LRP2: variants seen among roughly 807,000 people sequenced by gnomAD.
LRP2 encodes the protein low-density lipoprotein receptor-related protein 2.
Under a neutral mutation model 531.0 loss-of-function variants are expected in LRP2, and 172 were observed. The observed-to-expected ratio is 0.32, with a 90% CI of 0.29 to 0.37. The LOEUF (loss-of-function observed/expected upper bound fraction) is 0.37, where lower values mean the gene tolerates loss of function less well. Ranked by LOEUF, LRP2 falls within the 10% of genes least tolerant of loss-of-function variation. The pLI, the probability that LRP2 is intolerant of heterozygous loss-of-function variation, is 1.00. For missense variants in LRP2, 5,167 were observed against 5,868.3 expected, an observed-to-expected ratio of 0.88 and a Z score of 3.90; for synonymous variants, 1,992 against 2,027.6, an observed-to-expected ratio of 0.98 and a Z score of 0.47.
intron 51 of LRP2, 64 bp from the exon 52 acceptor site, chr2:169,181,682 A>G: frequency 2.8e-6 from 4 of 1,427,916 alleles, no homozygotes; most frequent in Non-Finnish European, 3.9e-6. Context: ...CAAAATACAC[A>G]CCTTTTCTCC....
chr2:169,263,735 C>T (rs539351688), intron 16 of LRP2, among the ~76,000 whole-genome samples: 10 of 152,246 alleles, frequency 6.6e-5, no homozygotes, highest in East Asian at 1.9e-4. Flanking sequence ...ACCCAGCCAT[C>T]GCATTACTGG....
chr2:169,191,866 A>G lies in LRP2; in HGVS notation c.8998T>C (p.Cys3000Arg). Reference sequence around the variant, plus strand: ...TTTGGGATACACAGTCCGTAACCACAGGTGAATTCATTTTCAGAGCAAGTT... The same window carrying G: ...TTTGGGATACACAGTCCGTAACCACGGGTGAATTCATTTTCAGAGCAAGTT... ...RRTCSENEFT[C>R]GYGLCIPKIF... Residue 3000 changes from cysteine (C) to arginine (R), a missense_variant, in exon 48 of 79, where the codon TGT becomes CGT. Around this residue, in one of 6 missense-constraint regions of LRP2, gnomAD observed 1,129 missense variants for 1,362.7 expected, o/e 0.83. Transcript: ENST00000649046. 2.5e-6 allele frequency: 4 copies of G among 1,614,154 alleles called. No individual in the cohort carries two copies. The highest frequency in any genetic ancestry group is 3.4e-6 in the Non-Finnish European group (4 of 1,180,020).
intron 11 of LRP2, 54 bp downstream of exon 11, chr2:169,280,296 G>A: frequency 6.3e-7 from 1 of 1,596,364 alleles, no homozygotes; most frequent in Non-Finnish European, 8.6e-7. Flanking sequence ...AAAGTGAAAA[G>A]CTATCAACAC....
intron 21 of LRP2, among the ~76,000 whole-genome samples, chr2:169,246,281 A>G (rs962633602): frequency 6.6e-6 from 1 of 151,984 alleles, no homozygotes; most frequent in Non-Finnish European, 1.5e-5. Flanking sequence ...GCCATTTTAT[A>G]TTTTTTGTAG....
At chr2:169,148,431 T>C (rs1278110518) in intron 68 of LRP2, among the ~76,000 whole-genome samples, 2 of 152,166 alleles carry the variant, frequency 1.3e-5, no homozygotes, top group African/African-American at 4.8e-5. Context: ...ACACTTTAAA[T>C]GGGTAAGTTG....
At chr2:169,220,003 C>T (rs564914182) in intron 34 of LRP2, among the ~76,000 whole-genome samples, 5 of 152,056 alleles carry the variant, frequency 3.3e-5, no homozygotes, top group Non-Finnish European at 7.4e-5. Context: ...TGCTAAGTGC[C>T]GCCATACTTC....
Position 169,332,253 on chromosome 2 carries a change from T to C in LRP2, c.80-11369A>G, listed in dbSNP as rs1318335688. On this transcript the variant is annotated intron_variant, in intron 1 of 78. Coordinates refer to ENST00000649046, the MANE Select transcript of LRP2 (RefSeq NM_004525.3). Reference sequence around the variant, plus strand: ...AGTCATAGGCTAAATTATTTATAACTACTAAATGGACCTTCTTGACTGAAT... The same window carrying C: ...AGTCATAGGCTAAATTATTTATAACCACTAAATGGACCTTCTTGACTGAAT... 3.9e-5 allele frequency among the ~76,000 whole-genome samples: 6 copies of C among 152,220 alleles called. No homozygotes were observed. In the East Asian group the frequency reaches 9.6e-4, roughly 24 times the overall value.
chr2:169,309,204 C>T (rs1049527615), intron 3 of LRP2, among the ~76,000 whole-genome samples: 3 of 152,146 alleles, frequency 2.0e-5, no homozygotes, highest in African/African-American at 7.2e-5. Context: ...GTTTCTATTG[C>T]TGTGCAGAAA....
At chr2:169,351,641 T>G (rs563338114) in intron 1 of LRP2, among the ~76,000 whole-genome samples, 28 of 152,066 alleles carry the variant, frequency 1.8e-4, no homozygotes, top group African/African-American at 6.5e-4. Flanking sequence ...ATGTCAGAGG[T>G]TTGAGGAAAG....
At chr2:169,144,002 A>G (rs1349925840) in intron 70 of LRP2, among the ~76,000 whole-genome samples, 3 of 152,178 alleles carry the variant, frequency 2.0e-5, no homozygotes, top group Non-Finnish European at 4.4e-5. Flanking sequence ...TCAAACTTGA[A>G]TGTGCTATCC....
intron 59 of LRP2, 36 bp from the exon 60 acceptor site, chr2:169,169,854 G>C (rs1277324579): frequency 2.2e-6 from 3 of 1,391,640 alleles, no homozygotes; most frequent in South Asian, 1.2e-5. Context: ...AGAAGGCCTT[G>C]TCATTTTCAG....
chr2:169,260,479 C>A (rs1465918982), intron 16 of LRP2, among the ~76,000 whole-genome samples: 1 of 151,956 alleles, frequency 6.6e-6, no homozygotes, highest in Non-Finnish European at 1.5e-5. Flanking sequence ...AGTGGTCATG[C>A]CCTTCCTCTA....
chr2:169,302,708 C>T (rs749502517), intron 4 of LRP2, among the ~76,000 whole-genome samples: 21 of 150,732 alleles, frequency 1.4e-4, no homozygotes, highest in Admixed American at 5.3e-4. Context: ...TGAACACAAG[C>T]CAGACTGTGG....
intron 77 of LRP2, among the ~76,000 whole-genome samples, chr2:169,130,848 G>C (rs867983099): frequency 6.6e-6 from 1 of 152,200 alleles, no homozygotes. Flanking sequence ...AAAGGGAAGA[G>C]AAAGAAAGGA....
At position 169,127,551 on chromosome 2, in the gene LRP2, A is replaced by AAC. The variant is rs1685140276; in HGVS notation, c.*1111_*1112insGT. On this transcript the variant is annotated 3_prime_UTR_variant, in exon 79 of 79. Transcript: ENST00000649046. Reference sequence around the variant, plus strand: ...CCATCTCTAAAAAAAAAAAAAAAAAAAAAACCAATAAGAATTAAAGAAAAG... The same window carrying AAC: ...CCATCTCTAAAAAAAAAAAAAAAAAAACAAAACCAATAAGAATTAAAGAAAAG... 6.6e-6 allele frequency: 1 copy of AAC among 151,976 alleles called. No homozygotes were observed. Among genetic ancestry groups the AAC allele is most frequent in the Non-Finnish European group, 1.5e-5 (1 of 67,972 alleles). 9.4% of individuals were successfully genotyped at this position (151,976 alleles called of 1,614,324 possible).
intron 61 of LRP2, among the ~76,000 whole-genome samples, chr2:169,167,701 A>C (rs1686834425): frequency 6.6e-6 from 1 of 152,078 alleles, no homozygotes; most frequent in Non-Finnish European, 1.5e-5. Context: ...AGTGGCACTG[A>C]CATTCCTAGT....
chr2:169,317,565 G>A (rs951782896), intron 3 of LRP2, among the ~76,000 whole-genome samples: 10 of 152,242 alleles, frequency 6.6e-5, no homozygotes, highest in African/African-American at 2.4e-4. Flanking sequence ...CAACCCTATA[G>A]TTAGGCTTCT....
intron 16 of LRP2, among the ~76,000 whole-genome samples, chr2:169,268,945 C>A (rs1683316275): frequency 6.6e-6 from 1 of 152,136 alleles, no homozygotes; most frequent in Non-Finnish European, 1.5e-5. Context: ...CACAAGCATT[C>A]CTATACACCA....
At chr2:169,156,714 T>C (rs1686344495) in intron 64 of LRP2, among the ~76,000 whole-genome samples, 1 of 152,208 alleles carries the variant, frequency 6.6e-6, no homozygotes, top group Non-Finnish European at 1.5e-5. Flanking sequence ...AGAGCACATT[T>C]TCCCTTTCAG....
Sources: gnomAD v4.1 joint callset for allele counts (sites outside exome capture counted in the v4.1 genomes callset) on GRCh38, gnomAD v4.1.1 for gene constraint, gnomAD v4.1.1 regional missense constraint, MANE v1.5 for transcripts, NCBI Gene and HGNC (gene_info 2026-07-23, HGNC 2026-07-21) for gene names.